Variants in ELP6 observed in about 807,000 individuals in gnomAD.
ELP6 encodes the protein elongator acetyltransferase complex subunit 6, also known as elongator complex protein 6.
In ELP6, 23 loss-of-function variants were observed where a neutral mutation model predicts 28.1. The observed-to-expected ratio is 0.82, with a 90% CI of 0.59 to 1.16. The LOEUF is 1.16. Ranked by LOEUF, ELP6 falls within the 50% of genes most tolerant of loss-of-function variation. The pLI is 0.00. For synonymous variants in ELP6, 132 were observed against 135.8 expected (o/e 0.97, Z 0.19); for missense variants, 313 against 334.6 (o/e 0.94, Z 0.50).
At position 47,513,674 on chromosome 3, in the gene ELP6, C is replaced by T. The variant is rs754830094; in HGVS notation, c.-84G>A. 9.6e-6 allele frequency: 15 copies of T among 1,556,686 alleles called. No homozygotes were observed. The highest frequency in any genetic ancestry group is 1.3e-5 in the Non-Finnish European group (15 of 1,140,634). On this transcript the variant is annotated 5_prime_UTR_variant, in exon 1 of 7. Transcript: ENST00000296149. ...AGGCTGGAGAGCAAAACACACCCGA[C>T]AGCCCGGCTCGCGCAAGGAAGCGCG...
At chr3:47,496,495 GTTTT>G (rs113383330) in intron 6 of ELP6, 74 of 877,204 alleles carry the variant, frequency 8.4e-5, no homozygotes, top group Non-Finnish European at 9.0e-5. Context: ...GTATTTTTAT[GTTTT>G]TTTTTTTTTT....
At chr3:47,507,524 G>A (rs1708876003) in intron 3 of ELP6, among the ~76,000 whole-genome samples, 1 of 151,586 alleles carries the variant, frequency 6.6e-6, no homozygotes, top group Non-Finnish European at 1.5e-5. Context: ...GGCTCGGCAT[G>A]GTGCCTCACA....
rs768719287 is a variant in ELP6 at position 47,498,238 on chromosome 3, C to G, written c.672+48G>C. 10 of 1,606,236 alleles carry G rather than the reference C, an allele frequency of 6.2e-6. No individual in the cohort carries two copies. In the South Asian group the frequency reaches 1.1e-4, roughly 18 times the overall value. ...GACTCTCCCCTATGTAGTCAAGAAT[C>G]ACAGGTACACGGGCAAGAAGCCTGT... On this transcript the variant is annotated intron_variant, in intron 6 of 6. Transcript: ENST00000296149.
chr3:47,498,190 C>A, intron 6 of ELP6, 96 bp downstream of exon 6: 1 of 1,517,312 alleles, frequency 6.6e-7, no homozygotes, highest in East Asian at 2.4e-5. Context: ...AGTCATGTCC[C>A]AACCAGACAG....
Position 47,498,340 on chromosome 3 carries a change from C to G in ELP6, c.618G>C (p.Leu206=). 1 of 1,613,840 alleles carries G rather than the reference C, an allele frequency of 6.2e-7. No individual in the cohort carries two copies. Among genetic ancestry groups the G allele is most frequent in the Non-Finnish European group, 8.5e-7 (1 of 1,180,046 alleles). Reference sequence around the variant, plus strand: ...TGGCCAGGCCCTCAGCCCGCAGTATCAGATGGCTCTGATGACTGAGGCCAT... The same window carrying G: ...TGGCCAGGCCCTCAGCCCGCAGTATGAGATGGCTCTGATGACTGAGGCCAT... ...LLNGLSHQSH[L]ILRAEGLATG... is the part of the protein sequence containing the mutation. Residue 206 remains leucine, a synonymous_variant, in exon 6 of 7, where the codon CTG becomes CTC. Transcript: ENST00000296149.
intron 3 of ELP6, among the ~76,000 whole-genome samples, chr3:47,509,607 A>G (rs1046320048): frequency 2.0e-4 from 30 of 152,202 alleles, no homozygotes; most frequent in African/African-American, 7.0e-4. Context: ...CGAAAATCAA[A>G]ACTCATACGG....
intron 6 of ELP6, chr3:47,497,805 G>T: frequency 4.5e-6 from 1 of 222,482 alleles, no homozygotes; most frequent in Non-Finnish European, 7.5e-6. Context: ...GGCAGTGGGT[G>T]CCTATAATCC....
chr3:47,497,565 G>T (rs1462381505), intron 6 of ELP6, among the ~76,000 whole-genome samples: 1 of 151,536 alleles, frequency 6.6e-6, no homozygotes, highest in African/African-American at 2.4e-5. Flanking sequence ...TCGAATTCCT[G>T]ACCTCAAGTG....
chr3:47,496,156 G>A lies in ELP6; in HGVS notation c.714C>T (p.His238=). Residue 238 remains histidine, a synonymous_variant, in exon 7 of 7, where the codon CAC becomes CAT. Coordinates refer to ENST00000296149, the MANE Select transcript of ELP6 (RefSeq NM_001031703.3). ...ACTGGTAAGTGAAGCTCTGATCCCGGTGGACTGCGGGCTGCGATGGTCTCC... is the reference window on the plus strand; with the variant it reads ...ACTGGTAAGTGAAGCTCTGATCCCGATGGACTGCGGGCTGCGATGGTCTCC... ...LWRRPSQPAV[H]RDQSFTYQYK... 6.2e-7 allele frequency: 1 copy of A among 1,614,140 alleles called. No individual in the cohort carries two copies. The highest frequency in any genetic ancestry group is 8.5e-7 in the Non-Finnish European group (1 of 1,180,028).
chr3:47,513,450 C>G, intron 1 of ELP6, 87 bp downstream of exon 1: 3 of 1,566,844 alleles, frequency 1.9e-6, no homozygotes, highest in Non-Finnish European at 2.6e-6. Flanking sequence ...TCGCGCCATT[C>G]CCCGGGGTCG....
At chr3:47,512,726 A>G in intron 1 of ELP6, 2 of 978,652 alleles carry the variant, frequency 2.0e-6, no homozygotes, top group Non-Finnish European at 2.4e-6. Context: ...TCCTGCTTCT[A>G]ACAGTTCTAT....
Position 47,498,407 on chromosome 3 carries a change from T to C in ELP6, c.551A>G (p.Asp184Gly), listed in dbSNP as rs1339930111. 1 of 1,613,108 alleles carries C rather than the reference T, an allele frequency of 6.2e-7. No homozygotes were observed. Among genetic ancestry groups the C allele is most frequent in the African/African-American group, 1.3e-5 (1 of 74,924 alleles). The change falls in exon 6 of 7, where the codon GAC becomes GGC. Residue 184 changes from aspartate (D) to glycine (G), a missense_variant. Coordinates refer to ENST00000296149, the MANE Select transcript of ELP6 (RefSeq NM_001031703.3). Reference protein sequence around the residue: ...LKGNMVVLVHDSGDAEDEEND... With the variant: ...LKGNMVVLVHGSGDAEDEEND... ...CTCCTCATCCTCCGCATCTCCACTG[T>C]CGTGCACAAGGACCACCATGTTTCC...
At chr3:47,503,376 G>A (rs761371272) in intron 4 of ELP6, 1 of 1,289,750 alleles carries the variant, frequency 7.8e-7, no homozygotes. Context: ...TCAGAAAGGA[G>A]GAAAAGCAGG....
chr3:47,501,589 T>C lies in ELP6; in HGVS notation c.525+61A>G, dbSNP rs770703119. 5 of 1,528,920 alleles carry C rather than the reference T, an allele frequency of 3.3e-6. No homozygotes were observed. Among genetic ancestry groups the C allele is most frequent in the Non-Finnish European group, 4.5e-6 (5 of 1,103,552 alleles). The allele number at this position is 1,528,920 out of a possible 1,614,324, so 94.7% of individuals were successfully genotyped here. A position where few individuals can be genotyped will look rare whatever the true frequency, so the allele number is the denominator to read the frequency against. On this transcript the variant is annotated intron_variant, in intron 5 of 6. Transcript: ENST00000296149. ...AAGATCACAGCAAGCAAGTGAGGTC[T>C]GGACCTGTCTGAGTTCTTGGAGGTC...
At chr3:47,497,015 G>A in intron 6 of ELP6, 1 of 985,276 alleles carries the variant, frequency 1.0e-6, no homozygotes, top group East Asian at 1.1e-4. Context: ...TACACACATA[G>A]TACTGCTGGG....
chr3:47,499,966 G>A lies in ELP6; in HGVS notation c.526-1534C>T, dbSNP rs1038216085. On this transcript the variant is annotated intron_variant, in intron 5 of 6. Coordinates refer to ENST00000296149, the MANE Select transcript of ELP6 (RefSeq NM_001031703.3). ...TCCGAGTCCTGGTGGTGTCGGCCAAGTTTGAGGGGAAGCTGCTGCTTCAGA... is the reference window on the plus strand; with the variant it reads ...TCCGAGTCCTGGTGGTGTCGGCCAAATTTGAGGGGAAGCTGCTGCTTCAGA... 25 of 1,350,752 alleles carry A rather than the reference G, an allele frequency of 1.9e-5. No individual in the cohort carries two copies. The Admixed American group carries it at 3.0e-4, about 16-fold the overall frequency. 83.7% of individuals were successfully genotyped at this position (1,350,752 alleles called of 1,614,324 possible).
In ELP6 at chr3:47,504,344, G is replaced by T. The variant is rs764819728; in HGVS notation, c.309C>A (p.Pro103=). The T allele has an allele frequency of 3.1e-6, 5 of 1,607,274 alleles. No homozygotes were observed. The Admixed American group carries it at 6.7e-5, about 22-fold the overall frequency. ...GGCTGACTGACCTGAGAAACTGCAG[G>T]GGGTGTGGCTCCTTTTGAGCCTGGA... ...VVFQAQKEPH[P]LQFLREANAG... Residue 103 remains proline, a synonymous_variant, in exon 4 of 7, where the codon CCC becomes CCA. Transcript: ENST00000296149.
Position 47,496,089 on chromosome 3 carries a change from T to C in ELP6, c.781A>G (p.Met261Val). 1 of 1,614,158 alleles carries C rather than the reference T, an allele frequency of 6.2e-7. No homozygotes were observed. Among genetic ancestry groups the C allele is most frequent in the Non-Finnish European group, 8.5e-7 (1 of 1,180,014 alleles). Residue 261 changes from methionine (M) to valine (V), a missense_variant, in exon 7 of 7, where the codon ATG (methionine) becomes GTG (valine). Transcript: ENST00000296149. Reference sequence around the variant, plus strand: ...TCAGGTCACAGAACAGCAGGAGACATTCCTTTGGCAAAAAAGGACACGCTT... The same window carrying C: ...TCAGGTCACAGAACAGCAGGAGACACTCCTTTGGCAAAAAAGGACACGCTT... ...DKSVSFFAKGMSPAVL is the reference protein window; with the variant it reads ...DKSVSFFAKGVSPAVL
intron 6 of ELP6, 93 bp downstream of exon 6, chr3:47,498,193 C>T: frequency 1.3e-6 from 2 of 1,525,802 alleles, no homozygotes; most frequent in Non-Finnish European, 1.8e-6. Flanking sequence ...CATGTCCCAA[C>T]CAGACAGTCC....
Sources: allele counts gnomAD v4.1 joint callset (sites outside exome capture counted in the v4.1 genomes callset), GRCh38; gene constraint gnomAD v4.1.1; transcripts MANE v1.5; gene names NCBI Gene and HGNC (gene_info 2026-07-23, HGNC 2026-07-21).